The following MNAT1 variants were observed in gnomAD, a reference collection of about 807,000 sequenced individuals.
MNAT1 encodes the protein CDK-activating kinase assembly factor MAT1.
A neutral mutation model predicts 42.0 loss-of-function variants in MNAT1; 43 were observed. The ratio of observed to expected loss-of-function variants is 1.02; its 90% confidence interval spans 0.80 to 1.32. The LOEUF is 1.32. Among genes scored for constraint, MNAT1 ranks in the 40% most tolerant of loss-of-function variants. The pLI, the probability that MNAT1 is intolerant of heterozygous loss-of-function variation, is 0.00. For missense variants in MNAT1, 306 were observed against 350.4 expected, an observed-to-expected ratio of 0.87 and a Z score of 1.01; for synonymous variants, 118 against 120.0, an observed-to-expected ratio of 0.98 and a Z score of 0.11.
chr14:60,954,021 T>C (rs902406976), intron 7 of MNAT1, among the ~76,000 whole-genome samples: 1 of 152,192 alleles, frequency 6.6e-6, no homozygotes, highest in Non-Finnish European at 1.5e-5. Flanking sequence ...ATATTTTGTA[T>C]ATTAGCCCCT....
intron 1 of MNAT1, among the ~76,000 whole-genome samples, chr14:60,793,023 C>CTTT (rs370204362): frequency 6.9e-6 from 1 of 144,286 alleles, no homozygotes. Flanking sequence ...TCTTCTTCTT[C>CTTT]TTTTTTTTTT....
At chr14:60,915,340 T>C (rs960217304) in intron 7 of MNAT1, among the ~76,000 whole-genome samples, 1 of 152,214 alleles carries the variant, frequency 6.6e-6, no homozygotes, top group Non-Finnish European at 1.5e-5. Context: ...GCAATTATAT[T>C]ACGTTTTGAA....
In MNAT1 at chr14:60,808,308, T is replaced by C; in HGVS notation, c.317-17T>C. The C allele has an allele frequency of 6.8e-7, 1 of 1,479,680 alleles. No individual in the cohort carries two copies. Among genetic ancestry groups the C allele is most frequent in the Non-Finnish European group, 9.1e-7 (1 of 1,093,220 alleles). The allele number at this position is 1,479,680 out of a possible 1,614,324, so 91.7% of individuals were successfully genotyped here. ...ATTAAAAATATTTTTCATGTCATCG[T>C]TTCCTTTCTAATGCAGTTTTCAACT... On this transcript the variant is annotated splice_polypyrimidine_tract_variant and intron_variant, in intron 3 of 7. Transcript: ENST00000261245.
chr14:60,929,170 A>AATATATATATATATATATAT (rs57354716), intron 7 of MNAT1, among the ~76,000 whole-genome samples: 1 of 47,460 alleles, frequency 2.1e-5, no homozygotes, highest in African/African-American at 1.2e-4. Context: ...AAAAAAAAAA[A>AATATATATATATATATATAT]ATATATATAT....
At chr14:60,790,486 T>C (rs889747494) in intron 1 of MNAT1, among the ~76,000 whole-genome samples, 12 of 152,198 alleles carry the variant, frequency 7.9e-5, no homozygotes, top group Non-Finnish European at 1.5e-4. Context: ...CTCATCTACT[T>C]CTAACCTGGA....
chr14:60,742,059 C>A (rs76859743), intron 1 of MNAT1, among the ~76,000 whole-genome samples: 3,546 of 151,556 alleles, frequency 0.023, 116 homozygotes, highest in African/African-American at 0.075. Context: ...GCCTATTAGC[C>A]GGTAGCTTTT....
intron 6 of MNAT1, among the ~76,000 whole-genome samples, chr14:60,843,159 C>T (rs1032255578): frequency 1.3e-5 from 2 of 152,098 alleles, no homozygotes; most frequent in Non-Finnish European, 2.9e-5. Flanking sequence ...TTAATGTTGT[C>T]AATCTTTTTA....
At chr14:60,862,700 A>G (rs2034124082) in intron 6 of MNAT1, among the ~76,000 whole-genome samples, 1 of 152,226 alleles carries the variant, frequency 6.6e-6, no homozygotes, top group Non-Finnish European at 1.5e-5. Flanking sequence ...AAGATGGAAA[A>G]TCATAAGAAC....
Position 60,811,975 on chromosome 14 carries a change from T to C in MNAT1, c.421-12T>C, listed in dbSNP as rs1311868666. The C allele has an allele frequency of 1.3e-5, 20 of 1,554,586 alleles. No homozygotes were observed. Among genetic ancestry groups the C allele is most frequent in the Non-Finnish European group, 1.7e-5 (20 of 1,157,274 alleles). On this transcript the variant is annotated splice_polypyrimidine_tract_variant and intron_variant, in intron 4 of 7. Transcript: ENST00000261245. ...AAATTTATTCCACGCCATATATAAA[T>C]TTTTGTTTTAGACTCGAGAACAGGA...
chr14:60,781,131 CTTTAA>C (rs1240703588), intron 1 of MNAT1, among the ~76,000 whole-genome samples: 1 of 152,144 alleles, frequency 6.6e-6, no homozygotes, highest in Non-Finnish European at 1.5e-5. Flanking sequence ...AATTATTTGA[CTTTAA>C]TTTATGTAAC....
intron 1 of MNAT1, among the ~76,000 whole-genome samples, chr14:60,793,585 C>G (rs1240597164): frequency 6.6e-6 from 1 of 151,554 alleles, no homozygotes; most frequent in Non-Finnish European, 1.5e-5. Flanking sequence ...GTTGTCTAGG[C>G]TGGTCTTATA....
chr14:60,814,845 G>C (rs1382298639), intron 5 of MNAT1, among the ~76,000 whole-genome samples: 3 of 152,100 alleles, frequency 2.0e-5, no homozygotes, highest in Non-Finnish European at 4.4e-5. Flanking sequence ...GTTCTTTCTT[G>C]AAACTATTAA....
chr14:60,873,854 A>G (rs2034380810), intron 6 of MNAT1, among the ~76,000 whole-genome samples: 1 of 152,200 alleles, frequency 6.6e-6, no homozygotes, highest in South Asian at 2.1e-4. Flanking sequence ...ATGATTTTAA[A>G]TGGCTGCACA....
At chr14:60,856,561 T>A (rs1209813274) in intron 6 of MNAT1, among the ~76,000 whole-genome samples, 1 of 152,194 alleles carries the variant, frequency 6.6e-6, no homozygotes, top group Non-Finnish European at 1.5e-5. Flanking sequence ...CCATCTAGGA[T>A]TTTTGTAGCT....
chr14:60,909,081 T>G (rs1455160159), intron 7 of MNAT1, among the ~76,000 whole-genome samples: 3 of 152,210 alleles, frequency 2.0e-5, no homozygotes, highest in African/African-American at 2.4e-5. Context: ...CAGTGATGAT[T>G]AGAATTTTTT....
At chr14:60,878,677 T>A (rs1225707850) in intron 6 of MNAT1, among the ~76,000 whole-genome samples, 2 of 152,172 alleles carry the variant, frequency 1.3e-5, no homozygotes, top group Non-Finnish European at 2.9e-5. Flanking sequence ...TTTGAATTGT[T>A]GCTATGACCT....
At chr14:60,892,431 G>T in intron 7 of MNAT1, among the ~76,000 whole-genome samples, 1 of 152,048 alleles carries the variant, frequency 6.6e-6, no homozygotes, top group Middle Eastern at 3.4e-3. Flanking sequence ...GTTACTATTC[G>T]CATGGAATAG....
intron 1 of MNAT1, among the ~76,000 whole-genome samples, chr14:60,737,078 T>C (rs1476193968): frequency 1.3e-5 from 2 of 152,182 alleles, no homozygotes; most frequent in Non-Finnish European, 2.9e-5. Context: ...TGTTGTCTAA[T>C]TAATCATCCT....
intron 6 of MNAT1, among the ~76,000 whole-genome samples, chr14:60,846,284 T>C (rs1185927955): frequency 6.6e-6 from 1 of 152,132 alleles, no homozygotes; most frequent in South Asian, 2.1e-4. Flanking sequence ...TTATTTCTTA[T>C]TTTGGTAGTT....
Sources: gnomAD v4.1 joint callset for allele counts (sites outside exome capture counted in the v4.1 genomes callset) on GRCh38, gnomAD v4.1.1 for gene constraint, MANE v1.5 for transcripts, NCBI Gene and HGNC (gene_info 2026-07-23, HGNC 2026-07-21) for gene names.